Variants in SNTB1 observed in about 807,000 individuals in gnomAD.
SNTB1 encodes the protein syntrophin beta 1, also known as beta-1-syntrophin.
Under a neutral mutation model 48.9 loss-of-function variants are expected in SNTB1, and 36 were observed. The ratio of observed to expected loss-of-function variants is 0.74; its 90% CI spans 0.56 to 0.97. The LOEUF is 0.97. Ranked by LOEUF, SNTB1 falls within the 50% of genes least tolerant of loss-of-function variation. The pLI, the probability that SNTB1 is intolerant of heterozygous loss-of-function variation, is 0.00. For missense variants in SNTB1, 786 were observed against 703.4 expected (o/e 1.12, Z -1.33); for synonymous variants, 299 against 294.6 (o/e 1.01, Z -0.15).
chr8:120,667,318 G>A (rs986219285), intron 2 of SNTB1, among the ~76,000 whole-genome samples: 1 of 152,068 alleles, frequency 6.6e-6, no homozygotes, highest in African/African-American at 2.4e-5. Flanking sequence ...CTGGCCCCTG[G>A]CTGCCCCTCC....
intron 1 of SNTB1, among the ~76,000 whole-genome samples, chr8:120,786,427 G>A (rs1819925032): frequency 6.6e-6 from 1 of 152,188 alleles, no homozygotes. Context: ...TGCTCATGAA[G>A]GGTCTTAGAG....
Position 120,811,821 on chromosome 8 carries a change from G to A in SNTB1, c.23C>T (p.Ala8Val). The A allele has an allele frequency of 2.2e-6, 3 of 1,351,000 alleles. No homozygotes were observed. Among genetic ancestry groups the A allele is most frequent in the Non-Finnish European group, 2.8e-6 (3 of 1,055,262 alleles). The allele number at this position is 1,351,000 out of a possible 1,614,324, so 83.7% of individuals were successfully genotyped here. Residue 8 changes from alanine (A) to valine (V), a missense_variant, in exon 1 of 7, where the codon GCG (alanine) becomes GTG (valine). Physicochemically the swap from Ala to Val is moderately conservative, Grantham distance 64. Transcript: ENST00000517992. MAVAAAA[A>V]AAGPAGAGGG... ...TCCCGCGCCAGCCGGCCCAGCCGCC[G>A]CCGCCGCCGCCGCTACCGCCATCTT...
intron 2 of SNTB1, among the ~76,000 whole-genome samples, chr8:120,656,286 A>C: frequency 6.6e-6 from 1 of 152,212 alleles, no homozygotes; most frequent in South Asian, 2.1e-4. Context: ...AAAACAGGTC[A>C]TGCATGATAT....
chr8:120,638,437 G>C (rs941057625), intron 2 of SNTB1, among the ~76,000 whole-genome samples: 1 of 151,630 alleles, frequency 6.6e-6, no homozygotes, highest in Non-Finnish European at 1.5e-5. Context: ...TCAAGTTCTA[G>C]GGTACATGTG....
intron 1 of SNTB1, among the ~76,000 whole-genome samples, chr8:120,791,781 TA>T (rs1315933699): frequency 6.6e-6 from 1 of 151,886 alleles, no homozygotes; most frequent in African/African-American, 2.4e-5. Flanking sequence ...TAAACATTAT[TA>T]AAAATTTTTT....
chr8:120,811,487 C>G lies in SNTB1; in HGVS notation c.357G>C (p.Glu119Asp), dbSNP rs1466093985. The G allele has an allele frequency of 6.2e-7, 1 of 1,613,984 alleles. No homozygotes were observed. The highest frequency in any genetic ancestry group is 8.5e-7 in the Non-Finnish European group (1 of 1,179,918). Residue 119 changes from glutamate to aspartate, a missense_variant, in exon 1 of 7, where the codon GAG (glutamate) becomes GAC (aspartate). Glu to Asp is a conservative substitution (Grantham distance 45). Transcript: ENST00000517992. The part of the protein sequence containing the change: ...QKRGVKVLKQ[E>D]LGGLGISIKG... ...TGATGCTGATCCCCAGCCCGCCCAG[C>G]TCCTGCTTCAGCACCTTCACGCCAC...
rs528145414 is a variant in SNTB1 at position 120,628,662 on chromosome 8, TAGG to T, written c.996+3779_996+3781del. On this transcript the variant is annotated intron_variant, in intron 3 of 6. Transcript: ENST00000517992. ...ATTTCAGCTACTTGGGAGGCTGAGG[TAGG>T]AGAATTGCTTGAATCCGGAGGCAGA... is the stretch of plus-strand genomic sequence containing the variant. 3.5e-3 allele frequency among the ~76,000 whole-genome samples: 525 copies of T among 151,452 alleles called. 3 individuals carry two copies. Among genetic ancestry groups the T allele is most frequent in the African/African-American group, 0.012 (495 of 41,240 alleles).
chr8:120,727,884 C>T (rs1289790951), intron 1 of SNTB1, among the ~76,000 whole-genome samples: 2 of 152,338 alleles, frequency 1.3e-5, no homozygotes, highest in East Asian at 3.9e-4. Flanking sequence ...AGAATTCACA[C>T]AAGATTAGAA....
At chr8:120,566,320 A>C (rs1181212819) in intron 4 of SNTB1, among the ~76,000 whole-genome samples, 2 of 116,810 alleles carry the variant, frequency 1.7e-5, no homozygotes, top group African/African-American at 6.5e-5. Flanking sequence ...CAAGAGCAAG[A>C]CTCTGTCTCA....
intron 1 of SNTB1, among the ~76,000 whole-genome samples, chr8:120,745,908 T>C (rs1819117731): frequency 6.6e-6 from 1 of 152,214 alleles, no homozygotes; most frequent in Non-Finnish European, 1.5e-5. Context: ...ATTATTGCTC[T>C]GTTTTGGTCT....
intron 1 of SNTB1, among the ~76,000 whole-genome samples, chr8:120,711,355 T>C (rs1408022733): frequency 1.1e-4 from 16 of 152,158 alleles, no homozygotes; most frequent in Admixed American, 9.8e-4. Flanking sequence ...ACACTCTAAA[T>C]TGTGTTGCCC....
chr8:120,772,030 C>T (rs796676988), intron 1 of SNTB1, among the ~76,000 whole-genome samples: 26 of 152,032 alleles, frequency 1.7e-4, no homozygotes, highest in African/African-American at 5.5e-4. Context: ...CCACCACACC[C>T]GGCTAATTTT....
At chr8:120,564,845 A>G (rs934767291) in intron 4 of SNTB1, among the ~76,000 whole-genome samples, 1 of 152,160 alleles carries the variant, frequency 6.6e-6, no homozygotes. Flanking sequence ...TGCTGGGATT[A>G]CAGGTGTGAG....
At chr8:120,730,952 C>A (rs951611695) in intron 1 of SNTB1, among the ~76,000 whole-genome samples, 6 of 151,502 alleles carry the variant, frequency 4.0e-5, no homozygotes, top group African/African-American at 1.2e-4. Flanking sequence ...AAACCCCGGT[C>A]TCTACTAAAA....
At chr8:120,653,269 TC>T (rs1817438714) in intron 2 of SNTB1, among the ~76,000 whole-genome samples, 1 of 152,052 alleles carries the variant, frequency 6.6e-6, no homozygotes, top group African/African-American at 2.4e-5. Context: ...TTAGGGTGGG[TC>T]CTAAATCCAA....
intron 1 of SNTB1, among the ~76,000 whole-genome samples, chr8:120,806,723 T>C (rs945982009): frequency 2.0e-5 from 3 of 152,180 alleles, no homozygotes; most frequent in Admixed American, 2.0e-4. Context: ...CCTAAAAAGA[T>C]GAAATTTCTT....
At chr8:120,604,105 A>G (rs4870736) in intron 3 of SNTB1, among the ~76,000 whole-genome samples, 140,634 of 152,224 alleles carry the variant, frequency 0.92, 65,045 homozygotes, top group Middle Eastern at 0.96. Flanking sequence ...AATAAAGAGG[A>G]AGGTGTAAGT....
Position 120,587,082 on chromosome 8 carries a change from G to A in SNTB1, c.997-11857C>T, listed in dbSNP as rs144823503. On this transcript the variant is annotated intron_variant, in intron 3 of 6. Coordinates refer to ENST00000517992, the MANE Select transcript of SNTB1 (RefSeq NM_021021.4). ...CTAAAAATACAAAAATTAGCCGGGC[G>A]TGGTAGCGCGTGCCTGTAATTTCAG... is the stretch of plus-strand genomic sequence containing the variant. 6.0e-3 allele frequency among the ~76,000 whole-genome samples: 914 copies of A among 152,254 alleles called. 9 individuals carry two copies. The highest frequency in any genetic ancestry group is 0.018 in the African/African-American group (754 of 41,556).
At chr8:120,736,938 T>G (rs1490995904) in intron 1 of SNTB1, among the ~76,000 whole-genome samples, 1 of 152,180 alleles carries the variant, frequency 6.6e-6, no homozygotes, top group Non-Finnish European at 1.5e-5. Context: ...TCTCTCTCTT[T>G]CCTTCTTTCT....
Sources: allele counts gnomAD v4.1 joint callset (sites outside exome capture counted in the v4.1 genomes callset), GRCh38; gene constraint gnomAD v4.1.1; transcripts MANE v1.5; gene names NCBI Gene and HGNC (gene_info 2026-07-23, HGNC 2026-07-21).